Variants in SLC39A10 observed in about 807,000 individuals in gnomAD.
SLC39A10 encodes the protein solute carrier family 39 member 10.
A neutral mutation model predicts 65.1 loss-of-function variants in SLC39A10; 13 were observed. The observed-to-expected ratio is 0.20, with a 90% CI of 0.13 to 0.32. The LOEUF is 0.32. Ranked by LOEUF, SLC39A10 falls within the 10% of genes least tolerant of loss-of-function variation. The probability of loss-of-function intolerance (pLI) is 1.00; values close to 1 mark genes in which losing one functional copy is unlikely to be tolerated. For synonymous variants in SLC39A10, 321 were observed against 342.2 expected, an observed-to-expected ratio of 0.94 and a Z score of 0.68; for missense variants, 831 against 1,018.4, an observed-to-expected ratio of 0.82 and a Z score of 2.50.
At chr2:195,731,590 TAC>T (rs1692434384) in intron 9 of SLC39A10, among the ~76,000 whole-genome samples, 2 of 152,202 alleles carry the variant, frequency 1.3e-5, no homozygotes, top group African/African-American at 4.8e-5. Flanking sequence ...ACTAGAAAGT[TAC>T]AGATACAAGA....
chr2:195,658,813 A>G (rs567654460), intron 1 of SLC39A10, among the ~76,000 whole-genome samples: 71 of 56,810 alleles, frequency 1.2e-3, no homozygotes, highest in African/African-American at 2.2e-3. Context: ...CTGGAAACAT[A>G]TAATATCAGT....
intron 2 of SLC39A10, among the ~76,000 whole-genome samples, chr2:195,624,405 A>T (rs924889660): frequency 6.6e-6 from 1 of 150,872 alleles, no homozygotes; most frequent in African/African-American, 2.5e-5. Context: ...GAAAAAAAAA[A>T]AAAAAAGGAA....
At chr2:195,690,802 C>T (rs957315808) in intron 3 of SLC39A10, among the ~76,000 whole-genome samples, 1 of 152,090 alleles carries the variant, frequency 6.6e-6, no homozygotes, top group African/African-American at 2.4e-5. Flanking sequence ...CAAATATTTT[C>T]TCCCATTTTA....
rs895738671 is a variant in SLC39A10 at position 195,728,058 on chromosome 2, A to G, written c.2147-101A>G. 1 of 1,038,892 alleles carries G rather than the reference A, an allele frequency of 9.6e-7. No individual in the cohort carries two copies. Among genetic ancestry groups the G allele is most frequent in the African/African-American group, 1.6e-5 (1 of 62,010 alleles). The allele number at this position is 1,038,892 out of a possible 1,614,324, so 64.4% of individuals were successfully genotyped here. A position where few individuals can be genotyped will look rare whatever the true frequency, so the allele number is the denominator to read the frequency against. On this transcript the variant is annotated intron_variant, in intron 8 of 9. Coordinates refer to ENST00000359634, the MANE Select transcript of SLC39A10 (RefSeq NM_020342.3). This position sits in a 1 kb window ranked among gnomAD's most constrained non-coding sequence, Gnocchi z 4.4. ...TATCACATAAAATACTGTTATTAAA[A>G]GTGTGTATCTTTTTAATGCTGATTT...
Position 195,708,770 on chromosome 2 carries a change from G to A in SLC39A10, c.1501G>A (p.Ala501Thr). The A allele has an allele frequency of 6.2e-7, 1 of 1,613,230 alleles. No individual in the cohort carries two copies. Among genetic ancestry groups the A allele is most frequent in the Non-Finnish European group, 8.5e-7 (1 of 1,179,630 alleles). Reference sequence around the variant, plus strand: ...TGATGCTGTATTGAAAGGACTTGTTGCTCTAGGAGGCATTTACTTGCTATT... The same window carrying A: ...TGATGCTGTATTGAAAGGACTTGTTACTCTAGGAGGCATTTACTTGCTATT... ...EYDAVLKGLV[A>T]LGGIYLLFII... is the part of the protein sequence containing the mutation. Residue 501 changes from alanine (A) to threonine (T), a missense_variant, in exon 5 of 10, where the codon GCT becomes ACT. By Grantham distance (58) the Ala-to-Thr change is moderately conservative. Around this residue, in one of 4 missense-constraint regions of SLC39A10, gnomAD observed 230 missense variants for 242.9 expected, o/e 0.95. Coordinates refer to ENST00000359634, the MANE Select transcript of SLC39A10 (RefSeq NM_020342.3).
intron 2 of SLC39A10, among the ~76,000 whole-genome samples, chr2:195,647,382 C>T (rs1688943763): frequency 6.6e-6 from 1 of 152,016 alleles, no homozygotes; most frequent in African/African-American, 2.4e-5. Context: ...ATGTGATACA[C>T]AAAGGCCTTC....
intron 2 of SLC39A10, among the ~76,000 whole-genome samples, chr2:195,623,020 T>C (rs536881110): frequency 6.7e-6 from 1 of 149,352 alleles, no homozygotes; most frequent in East Asian, 2.0e-4. Flanking sequence ...ATCATTCATG[T>C]CTGGGCTTGA....
At chr2:195,642,935 T>C (rs1303558632) in intron 2 of SLC39A10, among the ~76,000 whole-genome samples, 2 of 152,192 alleles carry the variant, frequency 1.3e-5, no homozygotes, top group African/African-American at 4.8e-5. Context: ...AAAAGTCCTG[T>C]CTGCTATTAA....
chr2:195,665,858 CTGTGCATACCTTCCTATTT>C (rs1183902470), intron 1 of SLC39A10, among the ~76,000 whole-genome samples: 2 of 152,178 alleles, frequency 1.3e-5, no homozygotes, highest in Admixed American at 1.3e-4. Flanking sequence ...TCTTTCACTT[CTGTGCATACCTTCCTATTT>C]CCTGTACTCC....
upstream of SLC39A10, chr2:195,656,655 C>T (rs1305232179): frequency 6.6e-6 from 1 of 152,216 alleles, no homozygotes; most frequent in African/African-American, 2.4e-5. Context: ...ATAAAGTTCG[C>T]TGTTGCCCTA....
rs1688454756 is a variant in SLC39A10 at position 195,625,521 on chromosome 2, C to T, written c.-12+19288C>T. Among the ~76,000 whole-genome samples the T allele has an allele frequency of 2.6e-5, 4 of 152,044 alleles. No individual in the cohort carries two copies. In the South Asian group the frequency reaches 8.3e-4, roughly 32 times the overall value. ...CGAACTCCGGACCTCAGGTGATCCGCCCGCCTCGGCCTCCCAAAGTGCTAG... is the reference window on the plus strand; with the variant it reads ...CGAACTCCGGACCTCAGGTGATCCGTCCGCCTCGGCCTCCCAAAGTGCTAG... On this transcript the variant is annotated intron_variant, in intron 2 of 2. Coordinates refer to the SLC39A10 transcript ENST00000458054.
chr2:195,735,890 C>CAAAGA lies in SLC39A10; in HGVS notation c.*852_*856dup, dbSNP rs1258717776. 2 of 143,370 alleles carry CAAAGA rather than the reference C, an allele frequency of 1.4e-5. No homozygotes were observed. Among genetic ancestry groups the CAAAGA allele is most frequent in the Admixed American group, 1.4e-4 (2 of 13,840 alleles). 8.9% of individuals were successfully genotyped at this position (143,370 alleles called of 1,614,324 possible). ...AAAATTGTAACCCTCTAGAAAATATCAAAGAAATGAACCAGACGTGGTTTA... is the reference window on the plus strand; with the variant it reads ...AAAATTGTAACCCTCTAGAAAATATCAAAGAAAAGAAATGAACCAGACGTGGTTTA... On this transcript the variant is annotated 3_prime_UTR_variant, in exon 10 of 10. Coordinates refer to ENST00000359634, the MANE Select transcript of SLC39A10 (RefSeq NM_020342.3).
chr2:195,687,321 T>C (rs1690563168), intron 3 of SLC39A10, among the ~76,000 whole-genome samples: 1 of 138,242 alleles, frequency 7.2e-6, no homozygotes, highest in South Asian at 2.4e-4. Flanking sequence ...AGCTTTTTTT[T>C]CTTATTTTGA....
intron 8 of SLC39A10, among the ~76,000 whole-genome samples, chr2:195,719,925 C>G (rs778163221): frequency 8.6e-5 from 13 of 151,538 alleles, no homozygotes; most frequent in African/African-American, 1.9e-4. Context: ...TGAGTAGCTG[C>G]GATTACAGGC....
At chr2:195,713,399 C>T in intron 5 of SLC39A10, 34 bp from the exon 6 acceptor site, 1 of 1,479,608 alleles carries the variant, frequency 6.8e-7, no homozygotes, top group Non-Finnish European at 9.0e-7. Flanking sequence ...ACATTTTATA[C>T]TAATATCAGA....
chr2:195,642,946 A>G (rs114197279), intron 2 of SLC39A10, among the ~76,000 whole-genome samples: 405 of 152,332 alleles, frequency 2.7e-3, no homozygotes, highest in Non-Finnish European at 4.9e-3. Flanking sequence ...CTGCTATTAA[A>G]GTAGAGGGGA....
chr2:195,693,995 T>C (rs1690844320), intron 3 of SLC39A10, among the ~76,000 whole-genome samples: 3 of 152,222 alleles, frequency 2.0e-5, no homozygotes, highest in Admixed American at 1.3e-4. Flanking sequence ...TTTGATAGGT[T>C]GTGTCACTAT....
At chr2:195,678,479 T>C (rs767099964) in intron 1 of SLC39A10, among the ~76,000 whole-genome samples, 4 of 152,112 alleles carry the variant, frequency 2.6e-5, no homozygotes, top group African/African-American at 4.8e-5. Flanking sequence ...AATTTTCATA[T>C]TGATTTATAG....
At chr2:195,688,803 T>G (rs1393488477) in intron 3 of SLC39A10, among the ~76,000 whole-genome samples, 1 of 152,174 alleles carries the variant, frequency 6.6e-6, no homozygotes, top group Non-Finnish European at 1.5e-5. Flanking sequence ...CTTATGTATA[T>G]TTTTAGTTGG....
Sources: gnomAD v4.1 joint callset for allele counts (sites outside exome capture counted in the v4.1 genomes callset) on GRCh38, gnomAD v4.1.1 for gene constraint, gnomAD v4.1.1 regional missense constraint, Gnocchi (gnomAD v3.1) non-coding constraint, MANE v1.5 for transcripts, NCBI Gene and HGNC (gene_info 2026-07-23, HGNC 2026-07-21) for gene names.